SCIN: variants seen among roughly 807,000 people sequenced by gnomAD.
SCIN encodes the protein adseverin.
SCIN carries 91 observed loss-of-function variants against 91.8 expected under a neutral mutation model. The observed-to-expected ratio is 0.99, with a 90% CI of 0.84 to 1.18. The LOEUF (loss-of-function observed/expected upper bound fraction) is 1.18. Ranked by LOEUF, SCIN falls within the 50% of genes most tolerant of loss-of-function variation. The probability of loss-of-function intolerance (pLI) is 0.00; values close to 1 mark genes in which losing one functional copy is unlikely to be tolerated. For missense variants in SCIN, 1,087 were observed against 863.9 expected (o/e 1.26, Z -3.24); for synonymous variants, 367 against 312.6 (o/e 1.17, Z -1.84).
chr7:12,626,405 A>T (rs187713671), intron 7 of SCIN, 179 bp from the exon 8 acceptor site: 11 of 573,784 alleles, frequency 1.9e-5, no homozygotes, highest in Admixed American at 1.6e-4. Context: ...CTTCTCTCAA[A>T]TATTCAAATT....
intron 9 of SCIN, among the ~76,000 whole-genome samples, chr7:12,630,648 A>G (rs766026979): frequency 7.9e-5 from 12 of 152,224 alleles, no homozygotes; most frequent in Non-Finnish European, 1.5e-4. Context: ...AATAGCAACC[A>G]TTCTGTGAGC....
At chr7:12,571,380 C>T (rs1188475254) in intron 1 of SCIN, 2 of 341,154 alleles carry the variant, frequency 5.9e-6, no homozygotes, top group South Asian at 2.6e-5. Flanking sequence ...GTCCTGCTTT[C>T]CCTGTCGGGA....
At chr7:12,600,479 G>C (rs1562607267) in intron 3 of SCIN, among the ~76,000 whole-genome samples, 1 of 152,066 alleles carries the variant, frequency 6.6e-6, no homozygotes, top group South Asian at 2.1e-4. Context: ...AATGCCACCT[G>C]CTCCCCAGAA....
At chr7:12,624,014 C>A (rs765661977) in intron 5 of SCIN, among the ~76,000 whole-genome samples, 1 of 152,152 alleles carries the variant, frequency 6.6e-6, no homozygotes, top group African/African-American at 2.4e-5. Flanking sequence ...ACTGTTCTCC[C>A]TCCTGGACAG....
chr7:12,625,470 T>G (rs1343963246), intron 6 of SCIN, among the ~76,000 whole-genome samples: 2 of 111,292 alleles, frequency 1.8e-5, no homozygotes, highest in Non-Finnish European at 3.5e-5. Context: ...CAGGCTGGAG[T>G]GCAGCCCGCC....
intron 3 of SCIN, among the ~76,000 whole-genome samples, chr7:12,603,179 C>T (rs1293932321): frequency 6.6e-6 from 1 of 151,930 alleles, no homozygotes; most frequent in Non-Finnish European, 1.5e-5. Flanking sequence ...GTGTCTCGCT[C>T]TGTCCCCCAG....
rs1375938328 is a variant in SCIN at position 12,625,048 on chromosome 7, G to A, written c.798G>A (p.Val266=). 1.9e-6 allele frequency: 3 copies of A among 1,578,974 alleles called. No homozygotes were observed. The highest frequency in any genetic ancestry group is 2.3e-5 in the South Asian group (2 of 86,114). Residue 266 remains valine, a synonymous_variant, in exon 6 of 16, where the codon GTG becomes GTA. Coordinates refer to ENST00000297029, the MANE Select transcript of SCIN (RefSeq NM_001112706.3). ...GTGGCTCCATGAGAGTGACTGTGGT[G>A]GCAGAAGAAAACCCCTTCTCAATGG... ...DASGSMRVTV[V]AEENPFSMAM...
rs1783744083 is a variant in SCIN at position 12,636,036 on chromosome 7, T to C, written c.1320-9T>C. The C allele has an allele frequency of 1.2e-6, 2 of 1,607,902 alleles. No individual in the cohort carries two copies. Among genetic ancestry groups the C allele is most frequent in the Non-Finnish European group, 1.7e-6 (2 of 1,176,384 alleles). On this transcript the variant is annotated splice_polypyrimidine_tract_variant and intron_variant, in intron 9 of 15. Transcript: ENST00000297029. ...GGCAAGCTAATTCGTTTCACTTTCATTCCTCTAGGCAAGGAGCAAATGCCA... is the reference window on the plus strand; with the variant it reads ...GGCAAGCTAATTCGTTTCACTTTCACTCCTCTAGGCAAGGAGCAAATGCCA...
intron 1 of SCIN, chr7:12,571,203 T>TA: frequency 1.7e-6 from 1 of 579,568 alleles, no homozygotes; most frequent in Non-Finnish European, 3.0e-6. Context: ...GCAATTGACT[T>TA]ACCTCGCAGG....
chr7:12,575,401 AGTG>A (rs1287878259), intron 1 of SCIN, among the ~76,000 whole-genome samples: 3 of 151,946 alleles, frequency 2.0e-5, no homozygotes, highest in Non-Finnish European at 4.4e-5. Context: ...GTTGAATAAG[AGTG>A]GTGTGAGTGC....
intron 11 of SCIN, among the ~76,000 whole-genome samples, chr7:12,642,668 T>G (rs1225630056): frequency 6.6e-6 from 1 of 150,670 alleles, no homozygotes; most frequent in East Asian, 1.9e-4. Flanking sequence ...AAAGGTCACT[T>G]TTCTGATCTC....
chr7:12,626,906 A>G (rs1260895859), intron 8 of SCIN, 107 bp downstream of exon 8: 10 of 972,710 alleles, frequency 1.0e-5, no homozygotes, highest in Admixed American at 2.4e-5. Context: ...CCTGGCCAAC[A>G]TGGTGAAACC....
intron 9 of SCIN, among the ~76,000 whole-genome samples, chr7:12,630,656 A>G (rs1473371113): frequency 1.1e-4 from 17 of 152,228 alleles, no homozygotes. Context: ...CCATTCTGTG[A>G]GCAGCATGTT....
intron 11 of SCIN, 89 bp downstream of exon 11, chr7:12,640,606 G>C: frequency 2.5e-6 from 3 of 1,208,472 alleles, no homozygotes; most frequent in Non-Finnish European, 3.2e-6. Flanking sequence ...TTAAAAACTT[G>C]GCAAATAAAC....
rs200000285 is a variant in SCIN, at chr7:12,640,492, T to C, written c.1556T>C (p.Leu519Pro). Reference sequence around the variant, plus strand: ...CGCCTCTTTCAAGTCCGGAGAAACCTGGCATCTATCACCAGAATTGTGGAG... The same window carrying C: ...CGCCTCTTTCAAGTCCGGAGAAACCCGGCATCTATCACCAGAATTGTGGAG... ...PTRLFQVRRN[L>P]ASITRIVEVD... The change falls in exon 11 of 16, where the codon CTG (leucine) becomes CCG (proline). Residue 519 changes from leucine to proline, a missense_variant. By Grantham distance (98) the Leu-to-Pro change is moderately conservative. Coordinates refer to ENST00000297029, the MANE Select transcript of SCIN (RefSeq NM_001112706.3). The C allele has an allele frequency of 8.1e-5, 130 of 1,611,970 alleles. No individual in the cohort carries two copies. In the African/African-American group the frequency reaches 1.5e-3, roughly 19 times the overall value.
chr7:12,577,550 A>G (rs1234354357), intron 1 of SCIN: 3 of 456,358 alleles, frequency 6.6e-6, no homozygotes, highest in African/African-American at 6.0e-5. Flanking sequence ...AGGAATTGGA[A>G]AAAGCAGAAA....
rs201081798 is a variant in SCIN at position 12,644,675 on chromosome 7, C to T, written c.1851C>T (p.Tyr617=). 118 of 1,582,070 alleles carry T rather than the reference C, an allele frequency of 7.5e-5. No homozygotes were observed. In the African/African-American group the frequency reaches 1.1e-3, roughly 15 times the overall value. ...TQAEDHPPRL[Y]GCSNKTGRFV... is the part of the protein sequence containing the mutation. ...CTGAAGACCATCCACCTCGGCTTTA[C>T]GGCTGCTCTAACAAAACTGGAAGAT... The change falls in exon 13 of 16, where the codon TAC becomes TAT. Residue 617 remains tyrosine, a synonymous_variant. Transcript: ENST00000297029.
chr7:12,630,011 TAAGGTACA>T, intron 9 of SCIN, among the ~76,000 whole-genome samples: 1 of 152,086 alleles, frequency 6.6e-6, no homozygotes, highest in African/African-American at 2.4e-5. Context: ...GCTGTGGGCG[TAAGGTACA>T]AAGGCAGGGC....
intron 4 of SCIN, among the ~76,000 whole-genome samples, chr7:12,609,446 C>T (rs965208598): frequency 6.6e-6 from 1 of 151,998 alleles, no homozygotes; most frequent in African/African-American, 2.4e-5. Context: ...AAATATTTCA[C>T]TAGCCCTAAG....
Sources: allele counts gnomAD v4.1 joint callset (sites outside exome capture counted in the v4.1 genomes callset), GRCh38; gene constraint gnomAD v4.1.1; transcripts MANE v1.5; gene names NCBI Gene and HGNC (gene_info 2026-07-23, HGNC 2026-07-21).